Variants in MACROD2 observed in about 807,000 individuals in gnomAD.
MACROD2 encodes the protein ADP-ribose glycohydrolase MACROD2.
Under a neutral mutation model 70.4 loss-of-function variants are expected in MACROD2, and 36 were observed. The observed-to-expected ratio is 0.51, with a 90% CI of 0.39 to 0.68. The LOEUF (loss-of-function observed/expected upper bound fraction) is 0.68. Among genes scored for constraint, MACROD2 ranks in the 30% least tolerant of loss-of-function variants. The pLI is 0.00. For synonymous variants in MACROD2, 172 were observed against 178.8 expected (o/e 0.96, Z 0.30); for missense variants, 496 against 538.4 (o/e 0.92, Z 0.78).
chr20:15,860,489 C>T (rs1261970211), intron 8 of MACROD2, among the ~76,000 whole-genome samples: 1 of 152,026 alleles, frequency 6.6e-6, no homozygotes, highest in Non-Finnish European at 1.5e-5. Context: ...TTTGGAAATT[C>T]CAAGTAGTTC....
chr20:14,965,727 C>G (rs1018265035), intron 5 of MACROD2, among the ~76,000 whole-genome samples: 19 of 151,834 alleles, frequency 1.3e-4, no homozygotes, highest in African/African-American at 4.6e-4. Flanking sequence ...CTCGGCCTTC[C>G]AAAGTGCTGG....
At chr20:14,101,878 C>A (rs989905591) in intron 3 of MACROD2, among the ~76,000 whole-genome samples, 1 of 151,366 alleles carries the variant, frequency 6.6e-6, no homozygotes, top group Non-Finnish European at 1.5e-5. Flanking sequence ...AATTTCTCTG[C>A]ATGATTTCTT....
chr20:15,262,668 T>C (rs1254347659), intron 6 of MACROD2, among the ~76,000 whole-genome samples: 3 of 152,130 alleles, frequency 2.0e-5, no homozygotes, highest in Admixed American at 6.6e-5. Flanking sequence ...CCACCAACAG[T>C]GTACAAGGAC....
At chr20:14,978,378 C>A (rs1179437488) in intron 5 of MACROD2, among the ~76,000 whole-genome samples, 6 of 150,524 alleles carry the variant, frequency 4.0e-5, no homozygotes, top group South Asian at 2.1e-4. Context: ...GCGCCCCGCC[C>A]CCCCCACTTT....
At chr20:14,248,835 T>G (rs2081987837) in intron 3 of MACROD2, among the ~76,000 whole-genome samples, 1 of 152,066 alleles carries the variant, frequency 6.6e-6, no homozygotes, top group African/African-American at 2.4e-5. Flanking sequence ...GTATATATTC[T>G]TCTTCATAAT....
intron 8 of MACROD2, among the ~76,000 whole-genome samples, chr20:15,558,809 T>C (rs1400989180): frequency 6.6e-6 from 1 of 152,212 alleles, no homozygotes; most frequent in African/African-American, 2.4e-5. Flanking sequence ...ACTGAAGCCC[T>C]GATAGTATCA....
At chr20:15,445,238 C>T (rs1399777437) in intron 7 of MACROD2, among the ~76,000 whole-genome samples, 1 of 152,132 alleles carries the variant, frequency 6.6e-6, no homozygotes, top group Non-Finnish European at 1.5e-5. Context: ...TCATCTCAGC[C>T]ACCTCTGAGT....
chr20:14,041,060 C>T (rs2053383959), intron 2 of MACROD2, among the ~76,000 whole-genome samples: 1 of 152,174 alleles, frequency 6.6e-6, no homozygotes, highest in African/African-American at 2.4e-5. Context: ...GATTCATAGT[C>T]TGAGTTTCCT....
intron 8 of MACROD2, among the ~76,000 whole-genome samples, chr20:15,667,968 G>A (rs577929371): frequency 1.1e-3 from 161 of 152,310 alleles, no homozygotes; most frequent in African/African-American, 3.8e-3. Flanking sequence ...AAATTCATAA[G>A]TGAGGCAGGC....
At chr20:16,012,875 T>C (rs918824771) in intron 15 of MACROD2, among the ~76,000 whole-genome samples, 4 of 152,086 alleles carry the variant, frequency 2.6e-5, no homozygotes, top group African/African-American at 9.7e-5. Context: ...GATTTACAGA[T>C]AACCAATAGA....
At chr20:15,451,241 T>C (rs1376268510) in intron 7 of MACROD2, among the ~76,000 whole-genome samples, 3 of 151,832 alleles carry the variant, frequency 2.0e-5, no homozygotes, top group Admixed American at 6.6e-5. Context: ...GTTTTTTCAG[T>C]GTGAAGGATG....
intron 9 of MACROD2, among the ~76,000 whole-genome samples, chr20:15,865,398 T>C (rs2064477936): frequency 6.6e-6 from 1 of 152,110 alleles, no homozygotes; most frequent in African/African-American, 2.4e-5. Flanking sequence ...ATAACAATAA[T>C]GGTTACTAAT....
At chr20:15,068,026 C>G (rs1191343591) in intron 5 of MACROD2, among the ~76,000 whole-genome samples, 1 of 152,074 alleles carries the variant, frequency 6.6e-6, no homozygotes, top group Non-Finnish European at 1.5e-5. Flanking sequence ...TAATTTCGTT[C>G]CTCTTTTTCT....
chr20:15,707,384 C>G (rs2050551009), intron 8 of MACROD2, among the ~76,000 whole-genome samples: 1 of 152,128 alleles, frequency 6.6e-6, no homozygotes, highest in Non-Finnish European at 1.5e-5. Context: ...TATCATGCCT[C>G]TATAGTATAC....
chr20:14,916,925 T>C (rs1203292951), intron 5 of MACROD2, among the ~76,000 whole-genome samples: 2 of 152,054 alleles, frequency 1.3e-5, no homozygotes, highest in African/African-American at 2.4e-5. Context: ...AGAAATTTTA[T>C]TTCCAAGGAA....
intron 3 of MACROD2, among the ~76,000 whole-genome samples, chr20:14,289,483 G>A (rs1308325902): frequency 6.6e-6 from 1 of 152,096 alleles, no homozygotes; most frequent in Non-Finnish European, 1.5e-5. Context: ...GCCTTACATT[G>A]ATAAAATGTT....
intron 3 of MACROD2, among the ~76,000 whole-genome samples, chr20:14,314,627 G>A (rs1227939154): frequency 6.6e-6 from 1 of 152,136 alleles, no homozygotes; most frequent in Non-Finnish European, 1.5e-5. Flanking sequence ...GGGCAAGGTG[G>A]TGCATGCCTG....
rs369748001 is a variant in MACROD2 at position 14,326,599 on chromosome 20, C to T, written c.272-166880C>T. On this transcript the variant is annotated intron_variant, in intron 3 of 17. Transcript: ENST00000684519. The surrounding 1 kb of genome is among the most constrained non-coding windows in gnomAD (Gnocchi z 5.5). ...GCACCCGCAATACCAGGGATTGTTG[C>T]GAAGAATCAGTTGTGTTATATTGTC... The T allele has an allele frequency of 6.2e-6, 10 of 1,613,768 alleles. No individual in the cohort carries two copies. The highest frequency in any genetic ancestry group is 8.5e-6 in the Non-Finnish European group (10 of 1,179,830).
intron 5 of MACROD2, among the ~76,000 whole-genome samples, chr20:15,157,195 C>T (rs879234469): frequency 1.3e-4 from 20 of 152,132 alleles, no homozygotes; most frequent in East Asian, 7.7e-4. Context: ...ACAGTCTCAG[C>T]GGCTTGTGAG....
Sources: gnomAD v4.1 joint callset for allele counts (sites outside exome capture counted in the v4.1 genomes callset) on GRCh38, gnomAD v4.1.1 for gene constraint, Gnocchi (gnomAD v3.1) non-coding constraint, MANE v1.5 for transcripts, NCBI Gene and HGNC (gene_info 2026-07-23, HGNC 2026-07-21) for gene names.